The following PUDP variants were observed in gnomAD, a reference collection of about 807,000 sequenced individuals.
The protein encoded by PUDP is pseudouridine 5'-phosphatase.
Under a neutral mutation model 9.4 loss-of-function variants are expected in PUDP, and 8 were observed. That is an observed-to-expected ratio of 0.85 (90% CI 0.50 to 1.53). PUDP has a LOEUF of 1.53. Ranked by LOEUF, PUDP falls within the 40% of genes most tolerant of loss-of-function variation. The probability of loss-of-function intolerance (pLI) is 0.00; values close to 1 mark genes in which losing one functional copy is unlikely to be tolerated. For missense variants in PUDP, 188 were observed against 189.7 expected, an observed-to-expected ratio of 0.99 and a Z score of 0.05; for synonymous variants, 99 against 80.7, an observed-to-expected ratio of 1.23 and a Z score of -1.22.
At chrX:6,759,754 A>G (rs1022896423) in intron 3 of PUDP, among the ~76,000 whole-genome samples, 1 of 111,820 alleles carries the variant, frequency 8.9e-6, no homozygotes, top group African/African-American at 3.2e-5. Flanking sequence ...CAGCTCTAGG[A>G]GAGATGAATA....
At chrX:6,876,673 T>TGTG (rs753716573) in intron 3 of PUDP, among the ~76,000 whole-genome samples, 30 of 66,529 alleles carry the variant, frequency 4.5e-4, no homozygotes, top group South Asian at 7.7e-4. Context: ...GTGTGTGTGT[T>TGTG]TGTGTACACA....
At chrX:7,066,602 A>T (rs1167593283) in intron 3 of PUDP, among the ~76,000 whole-genome samples, 5 of 111,155 alleles carry the variant, frequency 4.5e-5, no homozygotes, top group Non-Finnish European at 9.4e-5. Context: ...TCAGGTGGTA[A>T]TGCTGGCTCA....
intron 2 of PUDP, among the ~76,000 whole-genome samples, chrX:7,081,050 A>G (rs1437717537): frequency 8.9e-6 from 1 of 112,487 alleles, no homozygotes; most frequent in Non-Finnish European, 1.9e-5. Context: ...TTTTAAACCA[A>G]TATTTTAAAA....
At chrX:6,797,878 G>C (rs1482286599) in intron 3 of PUDP, among the ~76,000 whole-genome samples, 2 of 112,319 alleles carry the variant, frequency 1.8e-5, no homozygotes, top group Non-Finnish European at 3.8e-5. Flanking sequence ...TTGGGAACAA[G>C]ATGAAATTAT....
intron 3 of PUDP, among the ~76,000 whole-genome samples, chrX:6,735,696 T>C (rs1415926247): frequency 9.0e-6 from 1 of 111,328 alleles, no homozygotes; most frequent in Non-Finnish European, 1.9e-5. Flanking sequence ...CTCTCTTGAA[T>C]TAATCTTTTA....
At chrX:6,780,397 G>T (rs897543869) in intron 3 of PUDP, among the ~76,000 whole-genome samples, 1 of 110,869 alleles carries the variant, frequency 9.0e-6, no homozygotes, top group Non-Finnish European at 1.9e-5. Flanking sequence ...ACTACAGAGT[G>T]TTTAAGTGTA....
chrX:6,775,508 C>CACAT (rs60473893), intron 3 of PUDP, among the ~76,000 whole-genome samples: 19,575 of 106,880 alleles, frequency 0.18, 2,027 homozygotes, highest in African/African-American at 0.36. Context: ...CACACATACA[C>CACAT]ACACACACAC....
intron 3 of PUDP, among the ~76,000 whole-genome samples, chrX:6,902,859 G>C (rs949004141): frequency 1.8e-5 from 2 of 111,663 alleles, no homozygotes; most frequent in Non-Finnish European, 3.8e-5. Context: ...CTGCTGGAGA[G>C]AAGGTAAAGG....
At chrX:6,751,759 T>G (rs1925090078) in intron 3 of PUDP, among the ~76,000 whole-genome samples, 1 of 111,533 alleles carries the variant, frequency 9.0e-6, no homozygotes, top group East Asian at 2.8e-4. Context: ...ATGAATGATA[T>G]TTTGAGTGCA....
rs1569122734 is a variant in PUDP, at chrX:6,916,227, CA to C, written c.*247+60905del. ...ACACACACACACACACACACACACA[CA>C]CACACACACACACACACACACCCTG... On this transcript the variant is annotated intron_variant and NMD_transcript_variant, in intron 3 of 3. Coordinates refer to the PUDP transcript ENST00000655425. Among the ~76,000 whole-genome samples, 532 of 105,358 alleles carry C rather than the reference CA, an allele frequency of 5.0e-3. 4 individuals are homozygous for C. Among genetic ancestry groups the C allele is most frequent in the African/African-American group, 0.017 (470 of 28,348 alleles). The allele number at this position is 105,358 out of a possible 115,157, so 91.5% of individuals were successfully genotyped here.
chrX:6,759,543 C>T (rs1456801368), intron 3 of PUDP, among the ~76,000 whole-genome samples: 1 of 111,412 alleles, frequency 9.0e-6, no homozygotes, highest in Non-Finnish European at 1.9e-5. Flanking sequence ...CTCTACCTAC[C>T]AGATGCCAGT....
At chrX:6,825,786 G>T (rs1171775657) in intron 3 of PUDP, among the ~76,000 whole-genome samples, 1 of 111,150 alleles carries the variant, frequency 9.0e-6, no homozygotes, top group East Asian at 2.8e-4. Flanking sequence ...ACCCCAGCTT[G>T]CTGTGCAAGA....
chrX:7,051,030 C>G (rs746202145), intron 3 of PUDP, among the ~76,000 whole-genome samples: 1 of 111,470 alleles, frequency 9.0e-6, no homozygotes, highest in South Asian at 3.8e-4. Flanking sequence ...CGAAAATCCA[C>G]TTTATTATTG....
chrX:6,733,864 A>G (rs776199270), intron 3 of PUDP, among the ~76,000 whole-genome samples: 2 of 85,525 alleles, frequency 2.3e-5, no homozygotes, highest in East Asian at 4.0e-4. Context: ...TGCAGCCTCC[A>G]CCTCCCGGAT....
intron 3 of PUDP, among the ~76,000 whole-genome samples, chrX:6,831,637 A>G (rs1282030738): frequency 8.9e-6 from 1 of 112,316 alleles, no homozygotes; most frequent in Non-Finnish European, 1.9e-5. Context: ...TGAGAATTAA[A>G]AGATACCATG....
At chrX:7,076,400 C>T (rs926327676) in intron 3 of PUDP, among the ~76,000 whole-genome samples, 3 of 111,924 alleles carry the variant, frequency 2.7e-5, no homozygotes, top group African/African-American at 9.7e-5. Flanking sequence ...CTTACACTTA[C>T]ATCGCCAGCG....
intron 3 of PUDP, among the ~76,000 whole-genome samples, chrX:6,949,891 T>C (rs776284471): frequency 8.9e-6 from 1 of 111,977 alleles, no homozygotes; most frequent in East Asian, 2.8e-4. Context: ...GGGAAGAATC[T>C]GCTTCCAAGC....
chrX:7,074,226 G>T (rs980684292), intron 3 of PUDP, among the ~76,000 whole-genome samples: 1 of 112,475 alleles, frequency 8.9e-6, no homozygotes, highest in African/African-American at 3.2e-5. Flanking sequence ...ACCCGGCTGC[G>T]CATGGTGGTG....
intron 3 of PUDP, among the ~76,000 whole-genome samples, chrX:6,947,211 A>G (rs1307158113): frequency 9.1e-6 from 1 of 110,175 alleles, no homozygotes; most frequent in African/African-American, 3.3e-5. Context: ...CATGTTGGCC[A>G]GGCTAGTCTT....
Sources: gnomAD v4.1 joint callset for allele counts (sites outside exome capture counted in the v4.1 genomes callset) on GRCh38, gnomAD v4.1.1 for gene constraint, MANE v1.5 for transcripts, NCBI Gene and HGNC (gene_info 2026-07-23, HGNC 2026-07-21) for gene names.